Variants in GBF1 observed in about 807,000 individuals in gnomAD.
GBF1 encodes the protein golgi brefeldin A resistant guanine nucleotide exchange factor 1.
In GBF1, 114 loss-of-function variants were observed where a neutral mutation model predicts 210.5. The observed-to-expected ratio is 0.54, with a 90% CI of 0.47 to 0.63. GBF1 has a LOEUF of 0.63. Among genes scored for constraint, GBF1 ranks in the 30% least tolerant of loss-of-function variants. The pLI, the probability that GBF1 is intolerant of heterozygous loss-of-function variation, is 0.00. For missense variants in GBF1, 1,851 were observed against 2,357.7 expected (o/e 0.79, Z 4.45); for synonymous variants, 850 against 889.2 (o/e 0.96, Z 0.78).
intron 4 of GBF1, among the ~76,000 whole-genome samples, chr10:102,346,249 G>A (rs1444106756): frequency 6.6e-6 from 1 of 152,076 alleles, no homozygotes; most frequent in Non-Finnish European, 1.5e-5. Flanking sequence ...CCAAAGTGCT[G>A]GGATTATAGG....
intron 3 of GBF1, 66 bp downstream of exon 3, chr10:102,260,182 G>T: frequency 1.1e-6 from 1 of 901,854 alleles, no homozygotes; most frequent in Non-Finnish European, 1.8e-6. Context: ...TTATTGAAAG[G>T]ATAGACAAAC....
chr10:102,334,830 C>G (rs904752638), intron 3 of GBF1, among the ~76,000 whole-genome samples: 12 of 148,110 alleles, frequency 8.1e-5, no homozygotes, highest in African/African-American at 3.0e-4. Context: ...GGCTGGGTGA[C>G]AGAGCGAGAC....
At chr10:102,261,455 T>C (rs1453898834) in intron 3 of GBF1, among the ~76,000 whole-genome samples, 1 of 152,110 alleles carries the variant, frequency 6.6e-6, no homozygotes, top group Non-Finnish European at 1.5e-5. Context: ...CAGACTGTAA[T>C]TGGATAGTGT....
Position 102,365,611 on chromosome 10 carries a change from G to A in GBF1, c.2309+12G>A, listed in dbSNP as rs748637230. 3.1e-6 allele frequency: 5 copies of A among 1,610,438 alleles called. No individual in the cohort carries two copies. The highest frequency in any genetic ancestry group is 1.1e-5 in the South Asian group (1 of 91,012). On this transcript the variant is annotated intron_variant, in intron 18 of 39. Coordinates refer to ENST00000369983, the MANE Select transcript of GBF1 (RefSeq NM_001377137.1). ...GAGAGCTTTGTGAGGTGAGGAAGCT[G>A]TAAGAAATGTGGGATATAGCCAGGT...
At chr10:102,319,099 C>T (rs1449809110) in intron 3 of GBF1, among the ~76,000 whole-genome samples, 7 of 152,262 alleles carry the variant, frequency 4.6e-5, no homozygotes, top group African/African-American at 1.2e-4. Context: ...AGATGGATCA[C>T]GAGGTCAGGA....
At chr10:102,235,458 C>T in the GBF1 span, among the ~76,000 whole-genome samples, 1 of 152,264 alleles carries the variant, frequency 6.6e-6, no homozygotes, top group African/African-American at 2.4e-5. Context: ...GTACAACTTA[C>T]TAGCTGTGTG....
At chr10:102,274,698 G>GTTTTTT (rs1727697711) in intron 3 of GBF1, among the ~76,000 whole-genome samples, 1 of 79,950 alleles carries the variant, frequency 1.3e-5, no homozygotes, top group African/African-American at 5.0e-5. Flanking sequence ...GCAAAACAAA[G>GTTTTTT]ATTTTTTTTT....
At chr10:102,236,114 A>C in the GBF1 span, among the ~76,000 whole-genome samples, 3 of 152,190 alleles carry the variant, frequency 2.0e-5, no homozygotes, top group African/African-American at 7.2e-5. Flanking sequence ...TAGCCGACTC[A>C]CGTCCGGGTG....
intron 3 of GBF1, among the ~76,000 whole-genome samples, chr10:102,309,323 A>C (rs2078206698): frequency 2.6e-5 from 4 of 152,238 alleles, no homozygotes; most frequent in African/African-American, 9.6e-5. Context: ...AATAGCTGAA[A>C]TAGTAAATGT....
Position 102,380,475 on chromosome 10 carries a change from C to T in GBF1, c.4993-31C>T, listed in dbSNP as rs548199196. On this transcript the variant is annotated intron_variant, in intron 37 of 39. Coordinates refer to ENST00000369983, the MANE Select transcript of GBF1 (RefSeq NM_001377137.1). ...ACCATACTCCCCCCATGCCCTCTTT[C>T]CTATTCTCATGGTCCCACTGCCACC... 17 of 1,605,974 alleles carry T rather than the reference C, an allele frequency of 1.1e-5. 1 individual carries two copies. The African/African-American group carries it at 1.1e-4, about 10-fold the overall frequency.
rs762232089 is a variant in GBF1, at chr10:102,359,756, G to GA, written c.1180+334dup. On this transcript the variant is annotated intron_variant, in intron 11 of 39. Transcript: ENST00000369983. ...TAGACTAGTCCCCTCATGTCCCCAG[G>GA]AAAAAAAAAAAAATCCTTTTCCTTT... is the stretch of plus-strand genomic sequence containing the variant. Among the ~76,000 whole-genome samples, 317 of 134,466 alleles carry GA rather than the reference G, an allele frequency of 2.4e-3. 1 individual carries two copies. The highest frequency in any genetic ancestry group is 3.9e-3 in the Middle Eastern group (1 of 254). 88.2% of individuals were successfully genotyped at this position (134,466 alleles called of 152,430 possible).
At chr10:102,370,509 C>T (rs1446019477) in intron 28 of GBF1, 31 bp downstream of exon 28, 1 of 1,539,756 alleles carries the variant, frequency 6.5e-7, no homozygotes, top group South Asian at 1.1e-5. Context: ...AGGCAGACCC[C>T]ATGCTGGGCT....
At chr10:102,311,338 T>A (rs181357692) in intron 3 of GBF1, among the ~76,000 whole-genome samples, 401 of 152,296 alleles carry the variant, frequency 2.6e-3, no homozygotes, top group African/African-American at 7.5e-3. Flanking sequence ...GAAAGGGCTT[T>A]ATAGTCTGTG....
intron 3 of GBF1, among the ~76,000 whole-genome samples, chr10:102,320,767 T>A (rs916138327): frequency 1.3e-5 from 2 of 151,974 alleles, no homozygotes; most frequent in African/African-American, 2.4e-5. Flanking sequence ...ATTCTACTTA[T>A]TATATATTTT....
At chr10:102,337,852 G>GT (rs1162491151) in intron 3 of GBF1, among the ~76,000 whole-genome samples, 1 of 152,014 alleles carries the variant, frequency 6.6e-6, no homozygotes, top group Non-Finnish European at 1.5e-5. Flanking sequence ...GCAAGACTCT[G>GT]TCTCAAAAAG....
intron 4 of GBF1, among the ~76,000 whole-genome samples, chr10:102,348,522 T>A (rs979190491): frequency 2.0e-5 from 3 of 152,248 alleles, no homozygotes; most frequent in Admixed American, 6.5e-5. Flanking sequence ...GAGAAGGACC[T>A]GGGTTTCCTA....
At chr10:102,331,851 A>ATTTTTTTTTTTTTTTTTTTTT (rs869198412) in intron 3 of GBF1, among the ~76,000 whole-genome samples, 15 of 85,344 alleles carry the variant, frequency 1.8e-4, no homozygotes, top group African/African-American at 6.9e-4. Flanking sequence ...TACCTGGCTA[A>ATTTTTTTTTTTTTTTTTTTTT]TTTTTTTTTT....
chr10:102,277,014 G>A (rs1439533338), intron 3 of GBF1, among the ~76,000 whole-genome samples: 1 of 151,936 alleles, frequency 6.6e-6, no homozygotes. Context: ...ATGTATGTAT[G>A]TATGTATATA....
At chr10:102,252,669 ATGT>A (rs1347443410) in intron 1 of GBF1, among the ~76,000 whole-genome samples, 2 of 152,068 alleles carry the variant, frequency 1.3e-5, no homozygotes, top group African/African-American at 4.8e-5. Flanking sequence ...ACATGGCAAA[ATGT>A]TGTCTCTACA....
Sources: gnomAD v4.1 joint callset for allele counts (sites outside exome capture counted in the v4.1 genomes callset) on GRCh38, gnomAD v4.1.1 for gene constraint, MANE v1.5 for transcripts, NCBI Gene and HGNC (gene_info 2026-07-23, HGNC 2026-07-21) for gene names.